Variants in SYT16 observed in about 807,000 individuals in gnomAD.
The protein encoded by SYT16 is synaptotagmin-16.
SYT16 carries 42 observed loss-of-function variants against 61.4 expected under a neutral mutation model. The ratio of observed to expected loss-of-function variants is 0.68; its 90% confidence interval spans 0.53 to 0.89. The LOEUF is 0.89. Ranked by LOEUF, SYT16 falls within the 40% of genes least tolerant of loss-of-function variation. The pLI, the probability that SYT16 is intolerant of heterozygous loss-of-function variation, is 0.00. For missense variants in SYT16, 804 were observed against 807.3 expected (o/e 1.00, Z 0.05); for synonymous variants, 314 against 302.3 (o/e 1.04, Z -0.40).
At chr14:61,922,638 C>A (rs1021000819) in intron 1 of SYT16, among the ~76,000 whole-genome samples, 2 of 152,150 alleles carry the variant, frequency 1.3e-5, no homozygotes, top group Non-Finnish European at 2.9e-5. Context: ...CTGTGACTTG[C>A]ATTTACTTAC....
chr14:61,968,546 T>C (rs1217653131), intron 1 of SYT16, among the ~76,000 whole-genome samples: 1 of 152,150 alleles, frequency 6.6e-6, no homozygotes, highest in Non-Finnish European at 1.5e-5. Context: ...ATTTGACTGC[T>C]CCTAGATATT....
In SYT16 at chr14:62,080,860, G is replaced by T; in HGVS notation, c.1020G>T (p.Val340=). 6.2e-7 allele frequency: 1 copy of T among 1,601,434 alleles called. No individual in the cohort carries two copies. The highest frequency in any genetic ancestry group is 8.5e-7 in the Non-Finnish European group (1 of 1,173,794). The part of the protein sequence containing the change: ...PEEQDRTNLQ[V]PSGVSEPISK... ...AACAGGACAGGACCAATTTGCAGGT[G>T]CCATCCGGGGTCTCAGAGCCCATCT... The change falls in exon 6 of 8, where the codon GTG becomes GTT. Residue 340 remains valine (V), a synonymous_variant. Transcript: ENST00000683842.
At chr14:61,920,372 A>G (rs1012418847) in intron 1 of SYT16, among the ~76,000 whole-genome samples, 1 of 152,140 alleles carries the variant, frequency 6.6e-6, no homozygotes, top group African/African-American at 2.4e-5. Flanking sequence ...GCTGTCATCT[A>G]GGTTTTAAGA....
intron 3 of SYT16, among the ~76,000 whole-genome samples, chr14:62,005,625 T>A (rs2053191315): frequency 6.6e-6 from 1 of 152,070 alleles, no homozygotes; most frequent in African/African-American, 2.4e-5. Context: ...ACAGGCAAAA[T>A]AAGAGCAGTA....
At chr14:62,075,908 G>C (rs1464782575) in intron 5 of SYT16, among the ~76,000 whole-genome samples, 1 of 152,196 alleles carries the variant, frequency 6.6e-6, no homozygotes, top group Non-Finnish European at 1.5e-5. Context: ...ATCTTGCACT[G>C]TGAATATATA....
chr14:61,986,031 G>GA (rs1029788093), intron 2 of SYT16, among the ~76,000 whole-genome samples: 4 of 152,012 alleles, frequency 2.6e-5, no homozygotes, highest in African/African-American at 9.7e-5. Context: ...ATTTGCAGGT[G>GA]AAAAAATGGA....
chr14:62,094,856 A>G (rs2057215390), intron 7 of SYT16, among the ~76,000 whole-genome samples: 1 of 151,954 alleles, frequency 6.6e-6, no homozygotes, highest in Admixed American at 6.6e-5. Context: ...CGATTTTTTT[A>G]TAGGGATCTT....
At chr14:62,084,581 T>C (rs901765215) in intron 7 of SYT16, among the ~76,000 whole-genome samples, 196 bp downstream of exon 7, 1 of 152,244 alleles carries the variant, frequency 6.6e-6, no homozygotes, top group Admixed American at 6.5e-5. Context: ...TCTAGATGTT[T>C]CTGGACATGA....
At chr14:61,919,262 C>T (rs768170269) in intron 1 of SYT16, among the ~76,000 whole-genome samples, 3 of 152,184 alleles carry the variant, frequency 2.0e-5, no homozygotes, top group Non-Finnish European at 4.4e-5. Context: ...TCTGCATGAA[C>T]GCAACAGCCT....
intron 3 of SYT16, among the ~76,000 whole-genome samples, chr14:62,028,119 A>T (rs2054170242): frequency 6.6e-6 from 1 of 152,130 alleles, no homozygotes; most frequent in Admixed American, 6.6e-5. Flanking sequence ...TGGAAGGCAG[A>T]ATTTGCTCAG....
intron 1 of SYT16, among the ~76,000 whole-genome samples, chr14:61,943,144 A>C (rs2050276290): frequency 6.6e-6 from 1 of 152,188 alleles, no homozygotes; most frequent in South Asian, 2.1e-4. Flanking sequence ...GAAATGGATA[A>C]ATTCCTGGAC....
At chr14:61,936,788 T>G (rs1420863730) in intron 1 of SYT16, among the ~76,000 whole-genome samples, 4 of 152,168 alleles carry the variant, frequency 2.6e-5, no homozygotes, top group Admixed American at 2.6e-4. Flanking sequence ...CAAGCCCAGG[T>G]ACCATCCTCG....
chr14:62,055,138 C>T (rs1216482720), intron 3 of SYT16, among the ~76,000 whole-genome samples: 1 of 152,060 alleles, frequency 6.6e-6, no homozygotes, highest in Non-Finnish European at 1.5e-5. Flanking sequence ...GTTTTCTCTG[C>T]ATGTGCAGAA....
chr14:61,885,543 G>A (rs994268440), intron 1 of SYT16, among the ~76,000 whole-genome samples: 4 of 152,178 alleles, frequency 2.6e-5, no homozygotes, highest in African/African-American at 9.7e-5. Flanking sequence ...TGTTTAATAA[G>A]TGGTCATTGG....
intron 1 of SYT16, among the ~76,000 whole-genome samples, chr14:61,826,872 C>T (rs1270642955): frequency 2.0e-5 from 3 of 151,928 alleles, no homozygotes; most frequent in African/African-American, 7.3e-5. Context: ...TATAAATACC[C>T]CAACCCCTTT....
intron 1 of SYT16, among the ~76,000 whole-genome samples, chr14:61,960,702 T>G (rs1415957785): frequency 1.3e-5 from 2 of 152,200 alleles, no homozygotes; most frequent in African/African-American, 2.4e-5. Context: ...TTCTTTCTCT[T>G]GCCTGATTGC....
chr14:61,834,586 C>T (rs1232131330), intron 1 of SYT16, among the ~76,000 whole-genome samples: 3 of 147,998 alleles, frequency 2.0e-5, no homozygotes, highest in Non-Finnish European at 3.0e-5. Flanking sequence ...TACAGGTGTG[C>T]GCCACCATGC....
intron 1 of SYT16, among the ~76,000 whole-genome samples, chr14:61,944,547 T>C (rs1013952471): frequency 3.9e-5 from 6 of 152,070 alleles, no homozygotes; most frequent in Non-Finnish European, 7.4e-5. Context: ...TATAGACCAA[T>C]GGAACAGAAC....
intron 3 of SYT16, among the ~76,000 whole-genome samples, chr14:62,028,067 T>C (rs2054168815): frequency 6.6e-6 from 1 of 152,174 alleles, no homozygotes; most frequent in Non-Finnish European, 1.5e-5. Flanking sequence ...GTTCTCTATA[T>C]TGAGAAGACA....
Sources: gnomAD v4.1 joint callset for allele counts (sites outside exome capture counted in the v4.1 genomes callset) on GRCh38, gnomAD v4.1.1 for gene constraint, MANE v1.5 for transcripts, NCBI Gene and HGNC (gene_info 2026-07-23, HGNC 2026-07-21) for gene names.